The following ARHGAP39 variants were observed in gnomAD, a reference collection of about 807,000 sequenced individuals.
The protein encoded by ARHGAP39 is rho GTPase-activating protein 39.
A neutral mutation model predicts 106.9 loss-of-function variants in ARHGAP39; 44 were observed. The observed-to-expected ratio is 0.41, with a 90% CI of 0.32 to 0.53. The LOEUF (loss-of-function observed/expected upper bound fraction) is 0.53. ARHGAP39 is among the 20% of genes least tolerant of loss of function. The pLI is 0.21. For synonymous variants in ARHGAP39, 768 were observed against 693.2 expected, an observed-to-expected ratio of 1.11 and a Z score of -1.69; for missense variants, 1,496 against 1,577.3, an observed-to-expected ratio of 0.95 and a Z score of 0.87.
chr8:144,659,679 T>C (rs1389468747), intron 1 of ARHGAP39, among the ~76,000 whole-genome samples: 2 of 152,200 alleles, frequency 1.3e-5, no homozygotes, highest in African/African-American at 4.8e-5. Flanking sequence ...CTTCCGGCCT[T>C]GGCTTATTCG....
intron 3 of ARHGAP39, among the ~76,000 whole-genome samples, chr8:144,563,335 G>A (rs140975411): frequency 1.7e-4 from 26 of 152,144 alleles, no homozygotes; most frequent in African/African-American, 6.3e-4. Context: ...ATGAATTTTT[G>A]TCAGAAATCA....
intron 4 of ARHGAP39, 139 bp downstream of exon 4, chr8:144,555,421 T>C: frequency 3.9e-6 from 3 of 764,404 alleles, no homozygotes; most frequent in Admixed American, 2.0e-5. Flanking sequence ...CCCCTGGCCC[T>C]GTGGCCTCCA....
At chr8:144,688,858 A>AT (rs955043786), upstream of ARHGAP39, among the ~76,000 whole-genome samples, 2 of 152,214 alleles carry the variant, frequency 1.3e-5, no homozygotes, top group Non-Finnish European at 2.9e-5. Flanking sequence ...TTCCAGCAAG[A>AT]TTTTTTGAGG....
Position 144,548,143 on chromosome 8 carries a change from C to G in ARHGAP39, c.943G>C (p.Glu315Gln). The change falls in exon 5 of 12, where the codon GAG (glutamate) becomes CAG (glutamine). Residue 315 changes from glutamate to glutamine, a missense_variant. Physicochemically the swap from Glu to Gln is conservative, Grantham distance 29. Coordinates refer to ENST00000377307, the MANE Select transcript of ARHGAP39 (RefSeq NM_025251.3). The surrounding 1 kb of genome is among the most constrained non-coding windows in gnomAD (Gnocchi z 7.4). ...GGGGCCTGGTACTCCACTGGGGGCT[C>G]CTCGTAGAGCGGGGGTTCATAGCCA... is the stretch of plus-strand genomic sequence containing the variant. ...RYGYEPPLYEEPPVEYQAPIY... is the reference protein window; with the variant it reads ...RYGYEPPLYEQPPVEYQAPIY... 6.4e-7 allele frequency: 1 copy of G among 1,572,622 alleles called. No homozygotes were observed. Among genetic ancestry groups the G allele is most frequent in the Non-Finnish European group, 8.6e-7 (1 of 1,158,538 alleles).
intron 1 of ARHGAP39, among the ~76,000 whole-genome samples, chr8:144,673,907 C>T (rs560443382): frequency 3.3e-5 from 5 of 152,326 alleles, no homozygotes; most frequent in South Asian, 4.1e-4. Context: ...CAGCTCTGTG[C>T]GAGGCTGCGG....
chr8:144,585,780 C>A lies in ARHGAP39; in HGVS notation c.81-4503G>T, dbSNP rs576933017. ...GCTCTTAAATCTCAACCCTCATGGGCCCCTGCAGGGCCCATAATTTAAATG... is the reference window on the plus strand; with the variant it reads ...GCTCTTAAATCTCAACCCTCATGGGACCCTGCAGGGCCCATAATTTAAATG... On this transcript the variant is annotated intron_variant, in intron 2 of 11. Coordinates refer to ENST00000377307, the MANE Select transcript of ARHGAP39 (RefSeq NM_025251.3). This position sits in a 1 kb window ranked among gnomAD's most constrained non-coding sequence, Gnocchi z 4.6. 6.6e-6 allele frequency among the ~76,000 whole-genome samples: 1 copy of A among 152,258 alleles called. No individual in the cohort carries two copies. Among genetic ancestry groups the A allele is most frequent in the South Asian group, 2.1e-4 (1 of 4,818 alleles).
At chr8:144,588,470 G>A (rs530380014) in intron 2 of ARHGAP39, among the ~76,000 whole-genome samples, 4 of 152,240 alleles carry the variant, frequency 2.6e-5, no homozygotes, top group Non-Finnish European at 5.9e-5. Context: ...ATGGGGAGGT[G>A]GCCCTAAGCC....
rs60966946 is a variant in ARHGAP39 at position 144,608,156 on chromosome 8, CAAAAAAA to C, written c.-81-2468_-81-2462del. 8.6e-3 allele frequency among the ~76,000 whole-genome samples: 832 copies of C among 96,258 alleles called. 1 individual carries two copies. Among genetic ancestry groups the C allele is most frequent in the Middle Eastern group, 0.021 (4 of 194 alleles). The allele number at this position is 96,258 out of a possible 152,430, so 63.1% of individuals were successfully genotyped here. A position where few individuals can be genotyped will look rare whatever the true frequency, so the allele number is the denominator to read the frequency against. On this transcript the variant is annotated intron_variant, in intron 1 of 11. Coordinates refer to ENST00000377307, the MANE Select transcript of ARHGAP39 (RefSeq NM_025251.3). ...TGGGCGACAGAGCAAGACTCTGTCT[CAAAAAAA>C]AAAAAAAAAAAAAAAAAAGGAAAAA...
chr8:144,664,263 G>GA (rs1359615481), intron 1 of ARHGAP39, among the ~76,000 whole-genome samples: 7 of 152,170 alleles, frequency 4.6e-5, no homozygotes, highest in African/African-American at 1.4e-4. Flanking sequence ...TAGAGCCTGG[G>GA]TTGCTGCGGT....
chr8:144,638,144 T>C (rs146589909), intron 1 of ARHGAP39, among the ~76,000 whole-genome samples: 6 of 152,356 alleles, frequency 3.9e-5, no homozygotes, highest in African/African-American at 9.6e-5. Flanking sequence ...GGATACTCAA[T>C]AGGTTCCTTC....
chr8:144,657,206 A>G (rs1352042828), intron 1 of ARHGAP39, among the ~76,000 whole-genome samples: 1 of 152,116 alleles, frequency 6.6e-6, no homozygotes, highest in African/African-American at 2.4e-5. Flanking sequence ...CCAGTCTCTG[A>G]AAAAAATAAA....
At chr8:144,593,691 T>TG (rs1819490912) in intron 2 of ARHGAP39, among the ~76,000 whole-genome samples, 1 of 152,046 alleles carries the variant, frequency 6.6e-6, no homozygotes, top group African/African-American at 2.4e-5. Context: ...AGGACTCTCC[T>TG]AATTCAGTAA....
chr8:144,545,128 T>A, intron 6 of ARHGAP39, 121 bp downstream of exon 6: 1 of 923,830 alleles, frequency 1.1e-6, no homozygotes, highest in Non-Finnish European at 1.5e-6. Context: ...GGGAGGTGTG[T>A]GTCGAACCAT....
chr8:144,573,781 T>A (rs1189596537), intron 3 of ARHGAP39, among the ~76,000 whole-genome samples: 1 of 152,158 alleles, frequency 6.6e-6, no homozygotes, highest in African/African-American at 2.4e-5. Flanking sequence ...AATAAAAAAA[T>A]TATGCTTTCC....
At chr8:144,623,933 GTGACAACAGCACACCAAC>G (rs1436736964) in intron 1 of ARHGAP39, among the ~76,000 whole-genome samples, 6 of 152,216 alleles carry the variant, frequency 3.9e-5, no homozygotes, top group African/African-American at 1.4e-4. Flanking sequence ...ACTTGTTGGG[GTGACAACAGCACACCAAC>G]TGCAAAGGCC....
intron 1 of ARHGAP39, among the ~76,000 whole-genome samples, chr8:144,640,853 CA>C (rs1241737587): frequency 3.3e-5 from 5 of 152,156 alleles, no homozygotes; most frequent in Non-Finnish European, 7.3e-5. Context: ...TCCCACGAAA[CA>C]TTGTTGAAAA....
chr8:144,667,522 G>T (rs1479840397), intron 1 of ARHGAP39, among the ~76,000 whole-genome samples: 1 of 152,242 alleles, frequency 6.6e-6, no homozygotes, highest in East Asian at 1.9e-4. Context: ...GAGAGCAGGG[G>T]CTTGGCCTGT....
intron 1 of ARHGAP39, among the ~76,000 whole-genome samples, chr8:144,651,900 A>G (rs909843961): frequency 6.6e-5 from 10 of 152,134 alleles, no homozygotes; most frequent in Non-Finnish European, 1.5e-4. Flanking sequence ...GCAAACCCTT[A>G]CACCATATAC....
chr8:144,562,489 C>T (rs1036217894), intron 3 of ARHGAP39, among the ~76,000 whole-genome samples: 7 of 151,552 alleles, frequency 4.6e-5, no homozygotes, highest in African/African-American at 1.7e-4. Flanking sequence ...CCATCGCACT[C>T]CAGTGGTTTC....
Sources: gnomAD v4.1 joint callset for allele counts (sites outside exome capture counted in the v4.1 genomes callset) on GRCh38, gnomAD v4.1.1 for gene constraint, Gnocchi (gnomAD v3.1) non-coding constraint, MANE v1.5 for transcripts, NCBI Gene and HGNC (gene_info 2026-07-23, HGNC 2026-07-21) for gene names.